The following MYO7A variants were observed in gnomAD, a reference collection of about 807,000 sequenced individuals.
The protein encoded by MYO7A is myosin VIIA.
MYO7A carries 210 observed loss-of-function variants against 263.8 expected under a neutral mutation model. The observed-to-expected ratio is 0.80, with a 90% CI of 0.71 to 0.89. The LOEUF (loss-of-function observed/expected upper bound fraction) is 0.89, where lower values mean the gene tolerates loss of function less well. Among genes scored for constraint, MYO7A ranks in the 40% least tolerant of loss-of-function variants. The probability of loss-of-function intolerance (pLI) is 0.00; values close to 1 mark genes in which losing one functional copy is unlikely to be tolerated. For missense variants in MYO7A, 2,820 were observed against 2,968.3 expected, an observed-to-expected ratio of 0.95 and a Z score of 1.16; for synonymous variants, 1,239 against 1,197.3, an observed-to-expected ratio of 1.03 and a Z score of -0.72.
chr11:77,149,567 G>A lies in MYO7A; in HGVS notation c.285+1617G>A, dbSNP rs77082605. 2.7e-3 allele frequency among the ~76,000 whole-genome samples: 410 copies of A among 152,220 alleles called. 5 individuals carry two copies. In the East Asian group the frequency reaches 0.034, roughly 13 times the overall value. On this transcript the variant is annotated intron_variant, in intron 4 of 48. Transcript: ENST00000409709. ...CCAGGTGTTGTCACTGAAGAATCAC[G>A]GCAAGGAGCTCTCAGGGCCAGGGGT...
At chr11:77,161,307 C>G (rs552181506) in intron 12 of MYO7A, among the ~76,000 whole-genome samples, 192 bp downstream of exon 12, 2 of 152,290 alleles carry the variant, frequency 1.3e-5, no homozygotes, top group South Asian at 2.1e-4. Flanking sequence ...GTCAGCTGAG[C>G]CTGGCTGGGG....
At chr11:77,139,704 T>A (rs1565303811) in intron 2 of MYO7A, among the ~76,000 whole-genome samples, 3 of 152,186 alleles carry the variant, frequency 2.0e-5, no homozygotes, top group South Asian at 2.1e-4. Context: ...CTTCTCCCTC[T>A]GAGCCAGTGA....
rs1591458934 is a variant in MYO7A, at chr11:77,199,553, C to G, written c.4587C>G (p.Leu1529=). 6.6e-7 allele frequency: 1 copy of G among 1,511,378 alleles called. No individual in the cohort carries two copies. The highest frequency in any genetic ancestry group is 1.9e-4 in the Middle Eastern group (1 of 5,152). 93.6% of individuals were successfully genotyped at this position (1,511,378 alleles called of 1,614,324 possible). A position where few individuals can be genotyped will look rare whatever the true frequency, so the allele number is the denominator to read the frequency against. ...VSSSRECRVW[L]SLGCSDLGCA... is the part of the protein sequence containing the mutation. ...CCTTCAGGGAGTGCCGTGTCTGGCT[C>G]TCACTGGGCTGCTCTGATCTTGGCT... Residue 1529 remains leucine, a synonymous_variant, in exon 35 of 49, where the codon CTC becomes CTG. Coordinates refer to ENST00000409709, the MANE Select transcript of MYO7A (RefSeq NM_000260.4).
rs555607778 is a variant in MYO7A, at chr11:77,204,005, G to C, written c.5327-71G>C. 2.7e-6 allele frequency: 4 copies of C among 1,473,234 alleles called. No individual in the cohort carries two copies. In the East Asian group the frequency reaches 7.4e-5, roughly 27 times the overall value. 91.3% of individuals were successfully genotyped at this position (1,473,234 alleles called of 1,614,324 possible). ...GCTTCAGGTGATGCAGGCCCTGTGG[G>C]AAGTGGGGCCTCCGGACCCCAGGCC... On this transcript the variant is annotated intron_variant, in intron 38 of 48. Coordinates refer to ENST00000409709, the MANE Select transcript of MYO7A (RefSeq NM_000260.4).
Position 77,191,520 on chromosome 11 carries a change from G to A in MYO7A, c.3925-531G>A, listed in dbSNP as rs147953873. On this transcript the variant is annotated intron_variant, in intron 30 of 48. Transcript: ENST00000409709. ...ATGGAATTCCCTCTCAGGTTGCCAC[G>A]GCATCTGATGGAGAAACTCCTCAGC... Among the ~76,000 whole-genome samples the A allele has an allele frequency of 8.4e-4, 128 of 152,284 alleles. 2 individuals are homozygous for A. Among genetic ancestry groups the A allele is most frequent in the South Asian group, 5.2e-3 (25 of 4,828 alleles).
chr11:77,143,986 C>T (rs997607822), intron 3 of MYO7A, among the ~76,000 whole-genome samples: 2 of 152,132 alleles, frequency 1.3e-5, no homozygotes, highest in African/African-American at 2.4e-5. Flanking sequence ...CTCATGGCAT[C>T]TGTGGAAGGC....
chr11:77,190,666 G>T (rs767289994), intron 29 of MYO7A, 31 bp from the exon 30 acceptor site: 2 of 1,563,884 alleles, frequency 1.3e-6, no homozygotes, highest in Admixed American at 1.9e-5. Flanking sequence ...GAAGGGAAGG[G>T]ACCCCACAAA....
chr11:77,213,913 C>A lies in MYO7A; in HGVS notation c.6492C>A (p.Asn2164Lys). Residue 2164 changes from asparagine (N) to lysine (K), a missense_variant, in exon 48 of 49, where the codon AAC (asparagine) becomes AAA (lysine). Coordinates refer to ENST00000409709, the MANE Select transcript of MYO7A (RefSeq NM_000260.4). The part of the protein sequence containing the change: ...FTKISNWSSG[N>K]TYFHITIGNL... Reference sequence around the variant, plus strand: ...AGATCTCCAACTGGAGCAGCGGCAACACCTACTTCCACATCACCATTGGGA... The same window carrying A: ...AGATCTCCAACTGGAGCAGCGGCAAAACCTACTTCCACATCACCATTGGGA... 6.2e-7 allele frequency: 1 copy of A among 1,614,092 alleles called. No individual in the cohort carries two copies. The highest frequency in any genetic ancestry group is 8.5e-7 in the Non-Finnish European group (1 of 1,179,904).
In MYO7A at chr11:77,214,756, C is replaced by T. The variant is rs1958051556; in HGVS notation, c.*60C>T. 7.4e-7 allele frequency: 1 copy of T among 1,342,954 alleles called. No homozygotes were observed. The highest frequency in any genetic ancestry group is 1.5e-5 in the African/African-American group (1 of 68,706). The allele number at this position is 1,342,954 out of a possible 1,614,324, so 83.2% of individuals were successfully genotyped here. On this transcript the variant is annotated 3_prime_UTR_variant, in exon 49 of 49. Transcript: ENST00000409709. ...CTCGAGGCAGCAGTGGGTTCAGGCC[C>T]ATCAGCTACCCCTGCAGCTGGGGAA...
chr11:77,166,267 A>G, intron 15 of MYO7A, 105 bp downstream of exon 15: 1 of 955,420 alleles, frequency 1.0e-6, no homozygotes, highest in Non-Finnish European at 1.7e-6. Flanking sequence ...CCCTGGCCAC[A>G]TAATGGGTAT....
At chr11:77,159,409 CCT>C in intron 9 of MYO7A, 36 bp from the exon 10 acceptor site, 1 of 1,117,464 alleles carries the variant, frequency 8.9e-7, no homozygotes, top group Admixed American at 1.8e-5. Flanking sequence ...TGTTGCCCAC[CCT>C]CCCTCCCCTG....
At chr11:77,162,495 C>T (rs1424486929) in intron 13 of MYO7A, among the ~76,000 whole-genome samples, 165 bp downstream of exon 13, 1 of 152,180 alleles carries the variant, frequency 6.6e-6, no homozygotes, top group Non-Finnish European at 1.5e-5. Flanking sequence ...TTGGGAATCA[C>T]CTACAGTCCA....
Position 77,137,598 on chromosome 11 carries a change from C to T in MYO7A, c.19-5111C>T, listed in dbSNP as rs180998293. 1.1e-4 allele frequency among the ~76,000 whole-genome samples: 16 copies of T among 152,282 alleles called. No homozygotes were observed. The East Asian group carries it at 3.1e-3, about 29-fold the overall frequency. Reference sequence around the variant, plus strand: ...GGGACGGTGGCCTCTGGCTCACAGCCCAGCGTGGACCGACGCCTGGTGTCC... The same window carrying T: ...GGGACGGTGGCCTCTGGCTCACAGCTCAGCGTGGACCGACGCCTGGTGTCC... On this transcript the variant is annotated intron_variant, in intron 2 of 48. Coordinates refer to ENST00000409709, the MANE Select transcript of MYO7A (RefSeq NM_000260.4).
chr11:77,193,112 G>GGTGATGGTGGAGGTAGTTGTTT (rs1956314244), intron 31 of MYO7A, among the ~76,000 whole-genome samples: 3 of 138,210 alleles, frequency 2.2e-5, no homozygotes, highest in African/African-American at 8.4e-5. Context: ...TGATGCTGTT[G>GGTGATGGTGGAGGTAGTTGTTT]GTGATGGTGG....
intron 29 of MYO7A, 132 bp downstream of exon 29, chr11:77,190,271 C>T: frequency 1.0e-6 from 1 of 984,256 alleles, no homozygotes. Context: ...TCCTCAGACA[C>T]CTACCCTCAA....
Position 77,190,805 on chromosome 11 carries a change from C to G in MYO7A, c.3859C>G (p.Leu1287Val), listed in dbSNP as rs1452382907. 1 of 1,592,568 alleles carries G rather than the reference C, an allele frequency of 6.3e-7. No homozygotes were observed. The change falls in exon 30 of 49, where the codon CTG becomes GTG. Residue 1287 changes from leucine to valine, a missense_variant. By Grantham distance (32) the Leu-to-Val change is conservative (BLOSUM62 1). Coordinates refer to ENST00000409709, the MANE Select transcript of MYO7A (RefSeq NM_000260.4). ...CACGGCCAAGGAGCTCTGCAACGCG[C>G]TGGCCGACAAGATCTCTCTCAAGGA... ...ATTAKELCNA[L>V]ADKISLKDRF...
chr11:77,206,923 G>A (rs953001908), intron 41 of MYO7A: 7 of 183,760 alleles, frequency 3.8e-5, no homozygotes, highest in African/African-American at 1.6e-4. Context: ...CATCTGTCCG[G>A]GCTGCTTTCC....
At chr11:77,162,097 AC>A in intron 12 of MYO7A, 22 bp from the exon 13 acceptor site, 1 of 1,575,862 alleles carries the variant, frequency 6.3e-7, no homozygotes. Flanking sequence ...CAACACCCTT[AC>A]CCCATCCCTG....
chr11:77,147,835 A>G lies in MYO7A; in HGVS notation c.170A>G (p.Lys57Arg). The G allele has an allele frequency of 6.2e-7, 1 of 1,610,492 alleles. No individual in the cohort carries two copies. The highest frequency in any genetic ancestry group is 1.1e-5 in the South Asian group (1 of 90,040). The change falls in exon 4 of 49, where the codon AAG becomes AGG. Residue 57 changes from lysine (K) to arginine (R), a missense_variant. Coordinates refer to ENST00000409709, the MANE Select transcript of MYO7A (RefSeq NM_000260.4). The stretch of plus-strand genomic sequence containing the variant: ...TCTCCGCAGAACGCAACGCACATCA[A>G]GCCTATGCACCCCACGTCGGTCCAC... ...WISPQNATHI[K>R]PMHPTSVHGV... is the part of the protein sequence containing the mutation.
Sources: gnomAD v4.1 joint callset for allele counts (sites outside exome capture counted in the v4.1 genomes callset) on GRCh38, gnomAD v4.1.1 for gene constraint, MANE v1.5 for transcripts, NCBI Gene and HGNC (gene_info 2026-07-23, HGNC 2026-07-21) for gene names.